The following CHODL variants were observed in gnomAD, a reference collection of about 807,000 sequenced individuals.
CHODL encodes chondrolectin.
CHODL carries 29 observed loss-of-function variants against 34.5 expected under a neutral mutation model. The ratio of observed to expected loss-of-function variants is 0.84; its 90% confidence interval spans 0.63 to 1.15. CHODL has a LOEUF of 1.15. CHODL is among the 50% of genes most tolerant of loss of function. The pLI, the probability that CHODL is intolerant of heterozygous loss-of-function variation, is 0.00. For missense variants in CHODL, 332 were observed against 332.5 expected (o/e 1.00, Z 0.01); for synonymous variants, 125 against 116.1 (o/e 1.08, Z -0.49).
intron 2 of CHODL, among the ~76,000 whole-genome samples, chr21:18,098,770 T>C (rs1037266923): frequency 3.3e-5 from 5 of 152,072 alleles, no homozygotes; most frequent in African/African-American, 1.2e-4. Context: ...GAGATATTTG[T>C]ATTCCCATGT....
At chr21:18,174,143 A>ATCTTGGTATATATATATATATATCTTGG (rs1221113447) in intron 2 of CHODL, among the ~76,000 whole-genome samples, 1 of 120,844 alleles carries the variant, frequency 8.3e-6, no homozygotes, top group Non-Finnish European at 1.8e-5. Flanking sequence ...ATATATATAT[A>ATCTTGGTATATATATATATATATCTTGG]TATATATATA....
intron 2 of CHODL, among the ~76,000 whole-genome samples, chr21:18,201,627 C>A (rs959505623): frequency 1.3e-5 from 2 of 152,022 alleles, no homozygotes; most frequent in African/African-American, 4.8e-5. Context: ...CAGTGAACAA[C>A]TGACATAATG....
At chr21:17,941,310 C>CA (rs2063361424) in intron 1 of CHODL, among the ~76,000 whole-genome samples, 2 of 73,426 alleles carry the variant, frequency 2.7e-5, no homozygotes, top group African/African-American at 5.2e-5. Flanking sequence ...TTTTTTTTTT[C>CA]ATCCCTGGGC....
intron 1 of CHODL, among the ~76,000 whole-genome samples, chr21:18,001,592 C>T (rs2063906466): frequency 6.6e-6 from 1 of 152,142 alleles, no homozygotes; most frequent in African/African-American, 2.4e-5. Context: ...TACATTTAGT[C>T]CCCGTTTACA....
intron 2 of CHODL, among the ~76,000 whole-genome samples, chr21:18,064,967 A>G (rs531862594): frequency 6.6e-6 from 1 of 152,306 alleles, no homozygotes; most frequent in South Asian, 2.1e-4. Context: ...TAATTATTCT[A>G]TCTTTGTGTG....
intron 5 of CHODL, among the ~76,000 whole-genome samples, chr21:18,265,327 G>A (rs1465104631): frequency 6.8e-6 from 1 of 147,816 alleles, no homozygotes; most frequent in Admixed American, 6.7e-5. Flanking sequence ...ATATATGATG[G>A]AATACTACTC....
chr21:18,018,689 G>A (rs955236754), intron 1 of CHODL, among the ~76,000 whole-genome samples: 2 of 152,116 alleles, frequency 1.3e-5, no homozygotes, highest in East Asian at 3.8e-4. Flanking sequence ...GTTTCTTTAT[G>A]GTAACAGGAG....
Position 18,256,746 on chromosome 21 carries a change from A to C in CHODL, c.317A>C (p.Asn106Thr). The change falls in exon 2 of 6, where the codon AAT (asparagine) becomes ACT (threonine). Residue 106 changes from asparagine to threonine, a missense_variant. Asn to Thr is a moderately conservative substitution (Grantham distance 65). Transcript: ENST00000299295. ...GATTTCTGGATAGGGCTTTGGAGGA[A>C]TGGAGATGGGCAAACATCTGGTGCC... is the stretch of plus-strand genomic sequence containing the variant. ...DGDFWIGLWR[N>T]GDGQTSGACP... 1 of 1,614,066 alleles carries C rather than the reference A, an allele frequency of 6.2e-7. No homozygotes were observed.
intron 1 of CHODL, among the ~76,000 whole-genome samples, chr21:17,966,441 T>A (rs368946287): frequency 3.3e-5 from 5 of 152,184 alleles, no homozygotes; most frequent in African/African-American, 7.2e-5. Flanking sequence ...TGCCTTGCAA[T>A]CTTTCTTAGA....
chr21:18,077,679 T>C (rs1345144917), intron 2 of CHODL, among the ~76,000 whole-genome samples: 1 of 152,130 alleles, frequency 6.6e-6, no homozygotes, highest in African/African-American at 2.4e-5. Flanking sequence ...GAGGACACAT[T>C]GAAAGAGTGT....
At chr21:18,248,739 A>G (rs28565567) in intron 1 of CHODL, among the ~76,000 whole-genome samples, 6 of 117,388 alleles carry the variant, frequency 5.1e-5, no homozygotes, top group African/African-American at 2.2e-4. Context: ...TATAATATAT[A>G]TGTATAATAT....
At chr21:18,079,452 A>C (rs2064908671) in intron 2 of CHODL, among the ~76,000 whole-genome samples, 1 of 148,646 alleles carries the variant, frequency 6.7e-6, no homozygotes, top group Non-Finnish European at 1.5e-5. Context: ...TATACCATAG[A>C]ATATTATATA....
chr21:18,004,582 C>G (rs1052006689), intron 1 of CHODL, among the ~76,000 whole-genome samples: 1 of 152,242 alleles, frequency 6.6e-6, no homozygotes, highest in Admixed American at 6.5e-5. Context: ...ATTTTTACAG[C>G]TTATCTTTTT....
At chr21:18,068,753 G>T (rs1040003783) in intron 2 of CHODL, among the ~76,000 whole-genome samples, 1 of 151,398 alleles carries the variant, frequency 6.6e-6, no homozygotes, top group African/African-American at 2.4e-5. Context: ...TAATTGGCTA[G>T]CTCTACTCAA....
chr21:18,261,328 T>C (rs921659991), intron 4 of CHODL, among the ~76,000 whole-genome samples: 1 of 150,336 alleles, frequency 6.7e-6, no homozygotes, highest in Non-Finnish European at 1.5e-5. Context: ...ACCTGCACAA[T>C]GTGCACATGT....
chr21:18,127,701 T>TTTTTTTTA (rs2072592150), intron 2 of CHODL, among the ~76,000 whole-genome samples: 2 of 128,102 alleles, frequency 1.6e-5, no homozygotes, highest in Non-Finnish European at 3.3e-5. Flanking sequence ...TTTTTTTTTT[T>TTTTTTTTA]AGCTTAAAAC....
intron 2 of CHODL, among the ~76,000 whole-genome samples, chr21:18,064,049 C>G (rs1169387063): frequency 6.6e-6 from 1 of 152,194 alleles, no homozygotes; most frequent in African/African-American, 2.4e-5. Context: ...TAAATCTTCA[C>G]TTCTAAGAAT....
At chr21:18,199,282 G>A (rs2073625255) in intron 2 of CHODL, among the ~76,000 whole-genome samples, 1 of 152,008 alleles carries the variant, frequency 6.6e-6, no homozygotes, top group African/African-American at 2.4e-5. Context: ...ACTTGATTTA[G>A]GATAAAAGAA....
At chr21:18,042,292 C>G (rs2064385914) in intron 2 of CHODL, among the ~76,000 whole-genome samples, 1 of 151,918 alleles carries the variant, frequency 6.6e-6, no homozygotes, top group African/African-American at 2.4e-5. Flanking sequence ...TCCCCACCCC[C>G]TTCTGCAAAC....
Sources: allele counts gnomAD v4.1 joint callset (sites outside exome capture counted in the v4.1 genomes callset), GRCh38; gene constraint gnomAD v4.1.1; transcripts MANE v1.5; gene names NCBI Gene and HGNC (gene_info 2026-07-23, HGNC 2026-07-21).